SLC26A4: variants seen among roughly 807,000 people sequenced by gnomAD.
SLC26A4 encodes pendrin.
In SLC26A4, 93 loss-of-function variants were observed where a neutral mutation model predicts 90.4. The ratio of observed to expected loss-of-function variants is 1.03; its 90% CI spans 0.87 to 1.22. The LOEUF (loss-of-function observed/expected upper bound fraction) is 1.22, where lower values mean the gene tolerates loss of function less well. SLC26A4 is among the 50% of genes most tolerant of loss of function. SLC26A4 has a pLI of 0.00. For synonymous variants in SLC26A4, 393 were observed against 354.6 expected, an observed-to-expected ratio of 1.11 and a Z score of -1.22; for missense variants, 1,127 against 946.2, an observed-to-expected ratio of 1.19 and a Z score of -2.51.
chr7:107,681,014 T>C (rs564406995), intron 6 of SLC26A4, among the ~76,000 whole-genome samples: 29 of 152,338 alleles, frequency 1.9e-4, no homozygotes, highest in Non-Finnish European at 3.7e-4. Context: ...TAGGTAGGGC[T>C]GTTTGCTCCT....
intron 6 of SLC26A4, among the ~76,000 whole-genome samples, chr7:107,679,608 G>C (rs958015755): frequency 1.3e-5 from 2 of 150,702 alleles, no homozygotes; most frequent in East Asian, 3.9e-4. Flanking sequence ...AAACACAGCA[G>C]GAAATATAAT....
chr7:107,678,158 G>A (rs1307746616), intron 6 of SLC26A4, among the ~76,000 whole-genome samples: 1 of 152,054 alleles, frequency 6.6e-6, no homozygotes, highest in Non-Finnish European at 1.5e-5. Flanking sequence ...GGCACATCTT[G>A]CTTTTACTTA....
chr7:107,674,929 C>T lies in SLC26A4; in HGVS notation c.601-16C>T, dbSNP rs1347528799. 6.2e-7 allele frequency: 1 copy of T among 1,613,058 alleles called. No homozygotes were observed. The highest frequency in any genetic ancestry group is 1.1e-5 in the South Asian group (1 of 91,062). On this transcript the variant is annotated splice_polypyrimidine_tract_variant and intron_variant, in intron 5 of 20. Transcript: ENST00000644269. ...CAGGCAAACATTTAATTTTTCTTTC[C>T]TTTTCCTTATCGTAGTTGATATTTG...
intron 4 of SLC26A4, among the ~76,000 whole-genome samples, chr7:107,673,840 C>G (rs540279943): frequency 1.3e-5 from 2 of 152,088 alleles, no homozygotes; most frequent in African/African-American, 2.4e-5. Context: ...GCAATCCCCC[C>G]ACCTCAGCCT....
chr7:107,708,823 G>C (rs1792102555), intron 18 of SLC26A4, among the ~76,000 whole-genome samples: 2 of 150,796 alleles, frequency 1.3e-5, no homozygotes, highest in East Asian at 1.9e-4. Flanking sequence ...GTGGGGGTGG[G>C]GTGAATATTG....
chr7:107,670,411 C>T (rs10250391), intron 3 of SLC26A4, among the ~76,000 whole-genome samples: 2,284 of 152,034 alleles, frequency 0.015, 49 homozygotes, highest in African/African-American at 0.05. Context: ...CCGGTCCCTC[C>T]GGCTTTTTTT....
chr7:107,678,357 A>G (rs1451434693), intron 6 of SLC26A4, among the ~76,000 whole-genome samples: 1 of 151,082 alleles, frequency 6.6e-6, no homozygotes, highest in Non-Finnish European at 1.5e-5. Context: ...CACTGGGCAA[A>G]CATTGCTAGG....
At position 107,663,433 on chromosome 7, in the gene SLC26A4, A is replaced by C. The variant is rs529182720; in HGVS notation, c.302A>C (p.Gln101Pro). ...AGTACTGGGCTAGTGGCCACGCTGCAAGGTAAGATGTTGGCAGATTGAGAG... is the reference window on the plus strand; with the variant it reads ...AGTACTGGGCTAGTGGCCACGCTGCCAGGTAAGATGTTGGCAGATTGAGAG... ...GVSTGLVATL[Q>P]GMAYALLAAV... is the part of the protein sequence containing the mutation. Residue 101 changes from glutamine (Q) to proline (P), a missense_variant and splice_region_variant, in exon 3 of 21, where the codon CAA becomes CCA. Physicochemically the swap from Gln to Pro is moderately conservative, Grantham distance 76. Coordinates refer to ENST00000644269, the MANE Select transcript of SLC26A4 (RefSeq NM_000441.2). 1.9e-6 allele frequency: 3 copies of C among 1,613,998 alleles called. No homozygotes were observed. The South Asian group carries it at 3.3e-5, about 18-fold the overall frequency.
At chr7:107,702,682 C>A (rs1302560390) in intron 17 of SLC26A4, among the ~76,000 whole-genome samples, 87 of 92,944 alleles carry the variant, frequency 9.4e-4, no homozygotes, top group African/African-American at 3.8e-3. Context: ...GAGACTTCAT[C>A]TCAAAAAAAA....
chr7:107,710,989 A>G (rs1031661658), intron 19 of SLC26A4, among the ~76,000 whole-genome samples: 13 of 152,214 alleles, frequency 8.5e-5, no homozygotes, highest in Non-Finnish European at 1.9e-4. Context: ...TAGAATAAGT[A>G]GATCCTTATT....
Position 107,694,550 on chromosome 7 carries a change from A to G in SLC26A4, c.1341+70A>G, listed in dbSNP as rs1315150008. ...ACTACTCTGCTACCAGATAAATAAC[A>G]GGAGATTTAACAATCATCACATGGA... On this transcript the variant is annotated intron_variant, in intron 11 of 20. Transcript: ENST00000644269. The G allele has an allele frequency of 4.6e-6, 7 of 1,520,410 alleles. No individual in the cohort carries two copies. The Admixed American group carries it at 1.0e-4, about 22-fold the overall frequency. 94.2% of individuals were successfully genotyped at this position (1,520,410 alleles called of 1,614,324 possible).
At chr7:107,711,055 T>C (rs1265792207) in intron 19 of SLC26A4, among the ~76,000 whole-genome samples, 1 of 152,066 alleles carries the variant, frequency 6.6e-6, no homozygotes, top group African/African-American at 2.4e-5. Context: ...TATATTATTC[T>C]TTTTAGGCAC....
chr7:107,690,038 A>T (rs1285800368), intron 9 of SLC26A4, 86 bp from the exon 10 acceptor site: 1 of 855,838 alleles, frequency 1.2e-6, no homozygotes, highest in Non-Finnish European at 2.0e-6. Flanking sequence ...GGGAGTTTTC[A>T]TTCTTAATGT....
chr7:107,710,473 A>G (rs1000690629), intron 19 of SLC26A4, among the ~76,000 whole-genome samples: 3 of 152,228 alleles, frequency 2.0e-5, no homozygotes, highest in African/African-American at 4.8e-5. Context: ...AAAAGTGGGC[A>G]TTAGCTATAA....
intron 13 of SLC26A4, among the ~76,000 whole-genome samples, chr7:107,697,330 T>C (rs2129317394): frequency 6.6e-6 from 1 of 152,350 alleles, no homozygotes; most frequent in Non-Finnish European, 1.5e-5. Context: ...TCTAGGCTTT[T>C]AGCCAACAAA....
At position 107,661,920 on chromosome 7, in the gene SLC26A4, G is replaced by T; in HGVS notation, c.164+115G>T. ...GGTGCGGGCGGCGGAGCCCCTGGGC[G>T]CCAGCTGCTTCTCCCAGAGGCCCGA... On this transcript the variant is annotated intron_variant, in intron 2 of 20. Transcript: ENST00000644269. This position sits in a 1 kb window ranked among gnomAD's most constrained non-coding sequence, Gnocchi z 5.1. 1.7e-6 allele frequency: 2 copies of T among 1,193,596 alleles called. No individual in the cohort carries two copies. The highest frequency in any genetic ancestry group is 2.6e-5 in the Admixed American group (1 of 38,564). 73.9% of individuals were successfully genotyped at this position (1,193,596 alleles called of 1,614,324 possible).
At chr7:107,689,598 T>C (rs536255491) in intron 9 of SLC26A4, among the ~76,000 whole-genome samples, 1 of 152,312 alleles carries the variant, frequency 6.6e-6, no homozygotes, top group African/African-American at 2.4e-5. Flanking sequence ...ATTGAGGTGG[T>C]TCACTGTGCA....
intron 15 of SLC26A4, 32 bp from the exon 16 acceptor site, chr7:107,701,069 C>A (rs748406981): frequency 4.7e-6 from 6 of 1,290,052 alleles, no homozygotes; most frequent in Non-Finnish European, 6.8e-6. Context: ...AGGTGCCAGG[C>A]ATTTTAAGTA....
chr7:107,675,422 T>G (rs1790998799), intron 6 of SLC26A4, among the ~76,000 whole-genome samples: 1 of 151,452 alleles, frequency 6.6e-6, no homozygotes, highest in Admixed American at 6.6e-5. Context: ...TGGGAAGATC[T>G]CCTGAGCCCT....
Sources: gnomAD v4.1 joint callset for allele counts (sites outside exome capture counted in the v4.1 genomes callset) on GRCh38, gnomAD v4.1.1 for gene constraint, Gnocchi (gnomAD v3.1) non-coding constraint, MANE v1.5 for transcripts, NCBI Gene and HGNC (gene_info 2026-07-23, HGNC 2026-07-21) for gene names.